Variants in KAZN observed in about 807,000 individuals in gnomAD.
The protein encoded by KAZN is kazrin.
A neutral mutation model predicts 87.4 loss-of-function variants in KAZN; 40 were observed. The ratio of observed to expected loss-of-function variants is 0.46; its 90% confidence interval spans 0.36 to 0.60. The LOEUF is 0.60. Among genes scored for constraint, KAZN ranks in the 20% least tolerant of loss-of-function variants. KAZN has a pLI of 0.00. For synonymous variants in KAZN, 466 were observed against 458.3 expected (o/e 1.02, Z -0.22); for missense variants, 898 against 1,073.9 (o/e 0.84, Z 2.29).
intron 1 of KAZN, among the ~76,000 whole-genome samples, chr1:14,911,408 T>G (rs1443195337): frequency 2.0e-5 from 3 of 152,206 alleles, no homozygotes; most frequent in Non-Finnish European, 4.4e-5. Context: ...CCCAGCTAGC[T>G]TGCCCAGTGC....
intron 4 of KAZN, among the ~76,000 whole-genome samples, chr1:15,045,192 G>C (rs946872763): frequency 3.3e-5 from 5 of 152,186 alleles, no homozygotes; most frequent in African/African-American, 1.2e-4. Context: ...GGGTGGCTGG[G>C]CAGATCCAGG....
chr1:14,536,635 A>T (rs1672518761), intron 2 of KAZN, among the ~76,000 whole-genome samples: 1 of 152,092 alleles, frequency 6.6e-6, no homozygotes, highest in Admixed American at 6.6e-5. Context: ...TAATCCCAAC[A>T]CTTTGGGAGG....
At chr1:13,950,926 G>T (rs1209553954) in intron 1 of KAZN, among the ~76,000 whole-genome samples, 1 of 152,154 alleles carries the variant, frequency 6.6e-6, no homozygotes, top group Non-Finnish European at 1.5e-5. Context: ...CTTCCCAAAA[G>T]ATGTGATAGT....
At chr1:14,429,122 T>G (rs1453968892) in intron 2 of KAZN, among the ~76,000 whole-genome samples, 1 of 152,116 alleles carries the variant, frequency 6.6e-6, no homozygotes, top group Non-Finnish European at 1.5e-5. Flanking sequence ...CCGTGTCATA[T>G]AAGTTTTATG....
chr1:14,154,501 G>A (rs932386111), intron 1 of KAZN, among the ~76,000 whole-genome samples: 10 of 151,972 alleles, frequency 6.6e-5, no homozygotes, highest in Non-Finnish European at 1.0e-4. Context: ...TTTCTTGTCT[G>A]ATTGCTCTAA....
chr1:14,980,824 A>C (rs1666170968), intron 2 of KAZN, among the ~76,000 whole-genome samples: 1 of 152,152 alleles, frequency 6.6e-6, no homozygotes, highest in Admixed American at 6.5e-5. Context: ...CCAAAGGAAC[A>C]ATGCTTTCAG....
At chr1:14,221,733 G>A (rs1459880239) in intron 2 of KAZN, among the ~76,000 whole-genome samples, 2 of 152,154 alleles carry the variant, frequency 1.3e-5, no homozygotes, top group Non-Finnish European at 2.9e-5. Flanking sequence ...AGGAAAAGGG[G>A]ATGAGGTGGG....
chr1:14,836,504 C>T (rs1161440968), intron 1 of KAZN, among the ~76,000 whole-genome samples: 1 of 152,178 alleles, frequency 6.6e-6, no homozygotes, highest in African/African-American at 2.4e-5. Context: ...GGTTCTGACC[C>T]TCCAACTCCT....
chr1:15,039,446 T>C (rs149619952), intron 3 of KAZN, among the ~76,000 whole-genome samples: 224 of 152,244 alleles, frequency 1.5e-3, no homozygotes, highest in African/African-American at 5.3e-3. Flanking sequence ...TGTTTGCCAT[T>C]TTCAACAACC....
intron 8 of KAZN, among the ~76,000 whole-genome samples, chr1:15,093,860 T>C (rs1421485112): frequency 6.6e-6 from 1 of 152,208 alleles, no homozygotes; most frequent in African/African-American, 2.4e-5. Context: ...TGTGACCCAG[T>C]TCCCGGCTTG....
In KAZN at chr1:14,340,005, G is replaced by T. The variant is rs1657569926; in HGVS notation, c.249+159413G>T. 3.3e-5 allele frequency among the ~76,000 whole-genome samples: 5 copies of T among 152,150 alleles called. No homozygotes were observed. The South Asian group carries it at 1.0e-3, about 32-fold the overall frequency. ...CCATGCTTCACCTTGAAGTTCCCCAGCTGTGGTTTTCTGTGGATTTTAGCA... is the reference window on the plus strand; with the variant it reads ...CCATGCTTCACCTTGAAGTTCCCCATCTGTGGTTTTCTGTGGATTTTAGCA... On this transcript the variant is annotated intron_variant, in intron 2 of 16. Coordinates refer to the KAZN transcript ENST00000636203.
intron 2 of KAZN, among the ~76,000 whole-genome samples, chr1:15,028,291 C>A (rs1408368972): frequency 6.6e-6 from 1 of 152,218 alleles, no homozygotes; most frequent in Non-Finnish European, 1.5e-5. Context: ...TCACCAGTCA[C>A]CATGGCAGTG....
At chr1:14,791,943 T>C (rs541482101) in intron 1 of KAZN, among the ~76,000 whole-genome samples, 122 of 152,350 alleles carry the variant, frequency 8.0e-4, no homozygotes, top group African/African-American at 2.6e-3. Flanking sequence ...AGCAGCCACA[T>C]TAGCCGGGGT....
intron 2 of KAZN, among the ~76,000 whole-genome samples, chr1:14,406,678 C>A (rs1312856964): frequency 1.3e-5 from 2 of 152,082 alleles, no homozygotes; most frequent in Non-Finnish European, 2.9e-5. Flanking sequence ...CCTGTTCCCC[C>A]AAAACCTATG....
intron 2 of KAZN, among the ~76,000 whole-genome samples, chr1:14,465,641 C>T (rs552857908): frequency 3.3e-5 from 5 of 152,248 alleles, no homozygotes; most frequent in Admixed American, 6.5e-5. Flanking sequence ...ACTTCTGCCA[C>T]ATTCTGTTGG....
rs555602886 is a variant in KAZN, at chr1:14,826,714, G to T, written c.227-133970G>T. On this transcript the variant is annotated intron_variant, in intron 1 of 14. Transcript: ENST00000376030. ...TTTCATCTCGGTTTTTACAGAACCT[G>T]GTATCCCCACATGCCCAACATGCAC... is the stretch of plus-strand genomic sequence containing the variant. Among the ~76,000 whole-genome samples, 15 of 152,086 alleles carry T rather than the reference G, an allele frequency of 9.9e-5. No homozygotes were observed. In the East Asian group the frequency reaches 1.9e-3, roughly 20 times the overall value.
At chr1:14,475,043 G>A (rs1227081915) in intron 2 of KAZN, among the ~76,000 whole-genome samples, 3 of 151,956 alleles carry the variant, frequency 2.0e-5, no homozygotes, top group Non-Finnish European at 2.9e-5. Flanking sequence ...AATTGTAGAT[G>A]GATATTGGAT....
chr1:14,563,337 A>G (rs1294961127), intron 2 of KAZN, among the ~76,000 whole-genome samples: 1 of 152,142 alleles, frequency 6.6e-6, no homozygotes, highest in Non-Finnish European at 1.5e-5. Flanking sequence ...ACTCCCAGAG[A>G]CTCTGATTCA....
intron 1 of KAZN, among the ~76,000 whole-genome samples, chr1:14,747,623 C>G (rs58789106): frequency 0.11 from 17,136 of 152,234 alleles, 1,767 homozygotes; most frequent in African/African-American, 0.28. Flanking sequence ...TAAGCATTTG[C>G]GTAGTTTCCA....
Sources: allele counts gnomAD v4.1 joint callset (sites outside exome capture counted in the v4.1 genomes callset), GRCh38; gene constraint gnomAD v4.1.1; transcripts MANE v1.5; gene names NCBI Gene and HGNC (gene_info 2026-07-23, HGNC 2026-07-21).